Variants in NT5C3A observed in about 807,000 individuals in gnomAD.
The protein encoded by NT5C3A is 5'-nucleotidase, cytosolic IIIA, also known as cytosolic 5'-nucleotidase 3A.
NT5C3A carries 23 observed loss-of-function variants against 40.0 expected under a neutral mutation model. That is an observed-to-expected ratio of 0.58 (90% CI 0.41 to 0.81). The LOEUF is 0.81. NT5C3A is among the 40% of genes least tolerant of loss of function. The probability of loss-of-function intolerance (pLI) is 0.00; values close to 1 mark genes in which losing one functional copy is unlikely to be tolerated. For missense variants in NT5C3A, 328 were observed against 403.0 expected, an observed-to-expected ratio of 0.81 and a Z score of 1.59; for synonymous variants, 130 against 141.4, an observed-to-expected ratio of 0.92 and a Z score of 0.57.
intron 1 of NT5C3A, chr7:33,038,845 C>T (rs748730578): frequency 1.1e-5 from 5 of 456,554 alleles, no homozygotes; most frequent in Non-Finnish European, 1.8e-5. Flanking sequence ...GTTGCAGATG[C>T]TTCAAGAGAA....
intron 5 of NT5C3A, 143 bp downstream of exon 5, chr7:33,021,129 T>C: frequency 9.6e-7 from 1 of 1,040,136 alleles, no homozygotes; most frequent in Non-Finnish European, 1.4e-6. Flanking sequence ...TAATTAGAGC[T>C]CATTTTGTTA....
At chr7:33,038,401 AAGTC>A (rs995519614) in intron 1 of NT5C3A, among the ~76,000 whole-genome samples, 63 of 152,192 alleles carry the variant, frequency 4.1e-4, no homozygotes, top group African/African-American at 1.4e-3. Flanking sequence ...AAGGGGAAAA[AAGTC>A]AGTATAAGTT....
chr7:33,018,718 C>T (rs1785471391), intron 6 of NT5C3A, among the ~76,000 whole-genome samples: 3 of 151,734 alleles, frequency 2.0e-5, no homozygotes. Flanking sequence ...GGCGTGGTGG[C>T]GGGCGCCTGA....
At chr7:33,049,969 CAAAAAAA>C (rs61035673) in intron 1 of NT5C3A, among the ~76,000 whole-genome samples, 7 of 58,472 alleles carry the variant, frequency 1.2e-4, no homozygotes, top group Admixed American at 1.9e-4. Flanking sequence ...GACTCCATCT[CAAAAAAA>C]AAAAAAAAAA....
intron 1 of NT5C3A, among the ~76,000 whole-genome samples, chr7:33,044,633 T>C (rs1787073514): frequency 6.6e-6 from 1 of 152,212 alleles, no homozygotes; most frequent in Non-Finnish European, 1.5e-5. Context: ...ATGGAAGATT[T>C]TTTTTCCTCC....
At chr7:33,015,553 G>C (rs553697912) in intron 8 of NT5C3A, 117 bp downstream of exon 8, 21 of 676,324 alleles carry the variant, frequency 3.1e-5, no homozygotes, top group Non-Finnish European at 2.6e-6. Flanking sequence ...ACAGAGGCTT[G>C]TCTCAAAAAA....
At chr7:33,040,469 A>G (rs967442693) in intron 1 of NT5C3A, among the ~76,000 whole-genome samples, 1 of 152,208 alleles carries the variant, frequency 6.6e-6, no homozygotes, top group African/African-American at 2.4e-5. Context: ...ACTACCCATA[A>G]TAACTGTTCC....
At chr7:33,032,476 A>C (rs1000265992) in intron 1 of NT5C3A, among the ~76,000 whole-genome samples, 1 of 145,812 alleles carries the variant, frequency 6.9e-6, no homozygotes, top group Admixed American at 6.9e-5. Flanking sequence ...TTATTTTTTG[A>C]GGCAGGGTCT....
rs115376261 is a variant in NT5C3A at position 33,033,763 on chromosome 7, T to C, written c.139-6848A>G. Among the ~76,000 whole-genome samples the C allele has an allele frequency of 5.3e-3, 800 of 152,014 alleles. 7 individuals carry two copies. The highest frequency in any genetic ancestry group is 0.018 in the African/African-American group (761 of 41,464). ...AAAAAGAGAAATAGCTCTGTTTGTA[T>C]AGAACTTGAGTGTACACAGAGAAGT... is the stretch of plus-strand genomic sequence containing the variant. On this transcript the variant is annotated intron_variant, in intron 1 of 8. Transcript: ENST00000610140.
At chr7:33,056,640 C>A (rs1010148698) in intron 1 of NT5C3A, among the ~76,000 whole-genome samples, 2 of 151,946 alleles carry the variant, frequency 1.3e-5, no homozygotes, top group African/African-American at 2.4e-5. Context: ...TCATTGCACT[C>A]CAGCCTGGCA....
At chr7:33,023,077 C>A (rs1171999066) in intron 3 of NT5C3A, among the ~76,000 whole-genome samples, 1 of 151,704 alleles carries the variant, frequency 6.6e-6, no homozygotes, top group Non-Finnish European at 1.5e-5. Context: ...CAATGCCCAG[C>A]TAATTTTTTA....
chr7:33,019,243 G>C (rs1227707973), intron 6 of NT5C3A, among the ~76,000 whole-genome samples: 1 of 147,224 alleles, frequency 6.8e-6, no homozygotes, highest in Non-Finnish European at 1.5e-5. Context: ...GCAACAGAGA[G>C]AGACCCTGTC....
chr7:33,057,152 AACTC>A (rs767381459), intron 1 of NT5C3A, among the ~76,000 whole-genome samples: 5 of 152,100 alleles, frequency 3.3e-5, no homozygotes, highest in African/African-American at 2.4e-5. Flanking sequence ...GAGCAGGGCT[AACTC>A]ATAGGCAATG....
intron 1 of NT5C3A, among the ~76,000 whole-genome samples, chr7:33,051,826 T>C (rs1335585135): frequency 6.6e-6 from 1 of 152,200 alleles, no homozygotes; most frequent in Non-Finnish European, 1.5e-5. Context: ...CTCTAGCAAA[T>C]AAATTGCAAA....
intron 1 of NT5C3A, chr7:33,041,226 T>A (rs1786898142): frequency 3.0e-6 from 2 of 672,236 alleles, no homozygotes; most frequent in Non-Finnish European, 3.7e-6. Context: ...CAGTGGTTTG[T>A]CAGTGTACTT....
At chr7:33,043,947 T>C (rs1787035731) in intron 1 of NT5C3A, among the ~76,000 whole-genome samples, 1 of 152,208 alleles carries the variant, frequency 6.6e-6, no homozygotes, top group Non-Finnish European at 1.5e-5. Context: ...TCCCTTTTTA[T>C]AGATAAAGAA....
At position 33,014,750 on chromosome 7, in the gene NT5C3A, T is replaced by C. The variant is rs563703074; in HGVS notation, c.976A>G (p.Ile326Val). 12 of 1,612,554 alleles carry C rather than the reference T, an allele frequency of 7.4e-6. No individual in the cohort carries two copies. Among genetic ancestry groups the C allele is most frequent in the African/African-American group, 2.7e-5 (2 of 75,006 alleles). The change falls in exon 9 of 9, where the codon ATT becomes GTT. Residue 326 changes from isoleucine (I) to valine (V), a missense_variant. Around this residue, in one of 3 missense-constraint regions of NT5C3A, gnomAD observed 36 missense variants for 51.1 expected, o/e 0.70. Coordinates refer to ENST00000610140, the MANE Select transcript of NT5C3A (RefSeq NM_001002010.5). The part of the protein sequence containing the change: ...QDESLEVANS[I>V]LQKIL ...CTTGTTTATAGAATCTTCTGTAAAA[T>C]AGAGTTGGCTACTTCTAATGATTCA...
intron 1 of NT5C3A, among the ~76,000 whole-genome samples, chr7:33,052,613 T>C (rs1028129366): frequency 2.6e-5 from 4 of 151,702 alleles, no homozygotes; most frequent in Admixed American, 1.3e-4. Flanking sequence ...TAAATGAAAG[T>C]ACCTATTTTT....
intron 1 of NT5C3A, among the ~76,000 whole-genome samples, chr7:33,039,607 T>C (rs953931843): frequency 4.7e-5 from 7 of 148,174 alleles, no homozygotes; most frequent in East Asian, 2.0e-4. Context: ...GATTAGCACA[T>C]GCAAAATCAA....
Sources: allele counts gnomAD v4.1 joint callset (sites outside exome capture counted in the v4.1 genomes callset), GRCh38; gene constraint gnomAD v4.1.1; regional missense constraint gnomAD v4.1.1; transcripts MANE v1.5; gene names NCBI Gene and HGNC (gene_info 2026-07-23, HGNC 2026-07-21).